The following RSBN1L variants were observed in gnomAD, a reference collection of about 807,000 sequenced individuals.
RSBN1L encodes round spermatid basic protein 1 like.
In RSBN1L, 30 loss-of-function variants were observed where a neutral mutation model predicts 67.7. That is an observed-to-expected ratio of 0.44 (90% confidence interval 0.33 to 0.60). The LOEUF (loss-of-function observed/expected upper bound fraction) is 0.60, where lower values mean the gene tolerates loss of function less well. RSBN1L is among the 20% of genes least tolerant of loss of function. The pLI, the probability that RSBN1L is intolerant of heterozygous loss-of-function variation, is 0.02. For missense variants in RSBN1L, 992 were observed against 1,031.7 expected (o/e 0.96, Z 0.53); for synonymous variants, 433 against 387.0 (o/e 1.12, Z -1.39).
intron 1 of RSBN1L, among the ~76,000 whole-genome samples, chr7:77,708,437 A>G (rs977242227): frequency 4.6e-5 from 7 of 150,718 alleles, no homozygotes; most frequent in African/African-American, 1.7e-4. Flanking sequence ...GCTGGAGTGC[A>G]GTGGCATGAT....
chr7:77,743,210 C>T (rs1791436393), intron 2 of RSBN1L, among the ~76,000 whole-genome samples: 1 of 152,104 alleles, frequency 6.6e-6, no homozygotes, highest in South Asian at 2.1e-4. Flanking sequence ...TTTGCCACCA[C>T]ACTCAGCTAA....
chr7:77,701,950 G>T (rs892955190), intron 1 of RSBN1L, among the ~76,000 whole-genome samples: 2 of 151,986 alleles, frequency 1.3e-5, no homozygotes, highest in South Asian at 2.1e-4. Context: ...ACCGTGGCTG[G>T]CCTTGACTGA....
At chr7:77,716,030 C>G (rs1000447242) in intron 1 of RSBN1L, among the ~76,000 whole-genome samples, 41 of 152,192 alleles carry the variant, frequency 2.7e-4, no homozygotes, top group Admixed American at 1.2e-3. Context: ...TGTTTTCTAC[C>G]ATTCTCTGTC....
chr7:77,765,623 A>AT lies in RSBN1L; in HGVS notation c.1478dup (p.Leu493PhefsTer12). On this transcript the variant is annotated frameshift_variant, in exon 4 of 8. Transcript: ENST00000334955. LOFTEE classifies it high-confidence loss of function. ...TCCTTGACATGTTGGAAGAGTCACCATTTTTAAAAGTAAGAGACAATCTGT... is the reference window on the plus strand; with the variant it reads ...TCCTTGACATGTTGGAAGAGTCACCATTTTTTAAAAGTAAGAGACAATCTGT... 6.3e-7 allele frequency: 1 copy of AT among 1,593,662 alleles called. No individual in the cohort carries two copies. Among genetic ancestry groups the AT allele is most frequent in the Non-Finnish European group, 8.6e-7 (1 of 1,169,354 alleles).
intron 1 of RSBN1L, among the ~76,000 whole-genome samples, chr7:77,725,066 A>G (rs1446076749): frequency 1.3e-5 from 2 of 148,524 alleles, no homozygotes; most frequent in Non-Finnish European, 3.0e-5. Flanking sequence ...CTGGTCTTGA[A>G]CTCCTGACCT....
At chr7:77,753,999 TTTTG>T (rs1478575423) in intron 3 of RSBN1L, among the ~76,000 whole-genome samples, 4 of 152,324 alleles carry the variant, frequency 2.6e-5, no homozygotes, top group Admixed American at 6.5e-5. Context: ...GATTCCATTG[TTTTG>T]TTTGTCTAAT....
chr7:77,716,748 C>T (rs1163178478), intron 1 of RSBN1L, among the ~76,000 whole-genome samples: 1 of 146,886 alleles, frequency 6.8e-6, no homozygotes, highest in Non-Finnish European at 1.5e-5. Context: ...TGTCCTGCCT[C>T]AACCTCCCGA....
rs1791987574 is a variant in RSBN1L at position 77,780,648 on chromosome 7, A to T, written c.*1480A>T. ...GGGCAATGACAATGACTCAACTGCC[A>T]TATAGAGATATAATTAACAAAATAC... is the stretch of plus-strand genomic sequence containing the variant. On this transcript the variant is annotated 3_prime_UTR_variant, in exon 8 of 8. Coordinates refer to ENST00000334955, the MANE Select transcript of RSBN1L (RefSeq NM_198467.3). The T allele has an allele frequency of 6.6e-6, 1 of 152,238 alleles. No individual in the cohort carries two copies. The highest frequency in any genetic ancestry group is 6.5e-5 in the Admixed American group (1 of 15,284). 9.4% of individuals were successfully genotyped at this position (152,238 alleles called of 1,614,324 possible).
Position 77,779,715 on chromosome 7 carries a change from GATA to G in RSBN1L, c.*550_*552del. 6.6e-6 allele frequency: 1 copy of G among 151,334 alleles called. No individual in the cohort carries two copies. Among genetic ancestry groups the G allele is most frequent in the Non-Finnish European group, 1.5e-5 (1 of 67,856 alleles). 9.4% of individuals were successfully genotyped at this position (151,334 alleles called of 1,614,324 possible). On this transcript the variant is annotated 3_prime_UTR_variant, in exon 8 of 8. Coordinates refer to ENST00000334955, the MANE Select transcript of RSBN1L (RefSeq NM_198467.3). ...AACTGACAATTCATTTAAGTCATTT[GATA>G]ATGATTCTCTGCTGGTATATCTATT...
intron 3 of RSBN1L, among the ~76,000 whole-genome samples, chr7:77,753,120 CAT>C (rs1173479049): frequency 2.6e-5 from 4 of 152,216 alleles, no homozygotes; most frequent in Non-Finnish European, 5.9e-5. Flanking sequence ...ATATTTTTCA[CAT>C]GTCTTGATGA....
chr7:77,697,344 C>G (rs1376785930), intron 1 of RSBN1L: 1 of 318,306 alleles, frequency 3.1e-6, no homozygotes, highest in African/African-American at 2.2e-5. Flanking sequence ...TGAGGACTCT[C>G]CTAGGTTTGT....
intron 1 of RSBN1L, among the ~76,000 whole-genome samples, chr7:77,736,101 T>A (rs1791333049): frequency 2.6e-5 from 4 of 152,148 alleles, no homozygotes; most frequent in Non-Finnish European, 1.5e-5. Flanking sequence ...CCATCGTAGC[T>A]TTTGCTTCAC....
intron 3 of RSBN1L, among the ~76,000 whole-genome samples, chr7:77,750,707 G>A (rs1791545508): frequency 6.6e-6 from 1 of 152,046 alleles, no homozygotes; most frequent in African/African-American, 2.4e-5. Flanking sequence ...CCTCAGATTG[G>A]GACTGTTTAG....
rs777830423 is a variant in RSBN1L, at chr7:77,772,562, C to T, written c.1626-585C>T. Among the ~76,000 whole-genome samples the T allele has an allele frequency of 2.6e-4, 39 of 152,314 alleles. 2 individuals are homozygous for T. The highest frequency in any genetic ancestry group is 2.0e-4 in the Admixed American group (3 of 15,300). On this transcript the variant is annotated intron_variant, in intron 5 of 7. Transcript: ENST00000334955. ...CTTCCAAGACAGAGCTAAGGTTTTCCTTTCTACCTCCAATAAAGCATGCAT... is the reference window on the plus strand; with the variant it reads ...CTTCCAAGACAGAGCTAAGGTTTTCTTTTCTACCTCCAATAAAGCATGCAT...
At chr7:77,703,521 A>G (rs974943780) in intron 1 of RSBN1L, among the ~76,000 whole-genome samples, 2 of 102,314 alleles carry the variant, frequency 2.0e-5, no homozygotes, top group African/African-American at 7.8e-5. Context: ...AAGGACTCTC[A>G]CTATTTCACC....
chr7:77,704,328 A>C (rs1013436993), intron 1 of RSBN1L, among the ~76,000 whole-genome samples: 2 of 152,226 alleles, frequency 1.3e-5, no homozygotes, highest in African/African-American at 4.8e-5. Flanking sequence ...GTAATGGATA[A>C]ACTACCTAAA....
chr7:77,697,050 C>G lies in RSBN1L; in HGVS notation c.581C>G (p.Pro194Arg), dbSNP rs1003323841. The change falls in exon 1 of 8, where the codon CCC becomes CGC. Residue 194 changes from proline (P) to arginine (R), a missense_variant. By Grantham distance (103) the Pro-to-Arg change is moderately radical. Around this residue, in one of 7 missense-constraint regions of RSBN1L, gnomAD observed 575 missense variants for 483.2 expected, o/e 1.19. Coordinates refer to ENST00000334955, the MANE Select transcript of RSBN1L (RefSeq NM_198467.3). ...GAGAACGGGGAGGTGAAGCCGCTGC[C>G]CCGAGGTGGGTGCCGTGCGGGGAGG... ...REENGEVKPLPRDKIKDKIKE... is the reference protein window; with the variant it reads ...REENGEVKPLRRDKIKDKIKE... 3 of 1,478,636 alleles carry G rather than the reference C, an allele frequency of 2.0e-6. No individual in the cohort carries two copies. The highest frequency in any genetic ancestry group is 2.8e-5 in the African/African-American group (2 of 70,830). The allele number at this position is 1,478,636 out of a possible 1,614,324, so 91.6% of individuals were successfully genotyped here.
chr7:77,701,147 G>A (rs1156411729), intron 1 of RSBN1L, among the ~76,000 whole-genome samples: 1 of 108,084 alleles, frequency 9.3e-6, no homozygotes, highest in Non-Finnish European at 1.8e-5. Flanking sequence ...GCAAGACTCT[G>A]GCTCAAAAAA....
chr7:77,697,857 A>G (rs1026953649), intron 1 of RSBN1L, among the ~76,000 whole-genome samples: 1 of 152,198 alleles, frequency 6.6e-6, no homozygotes, highest in Non-Finnish European at 1.5e-5. Context: ...TTTTAAATGT[A>G]GGCTAGTCGT....
Sources: allele counts gnomAD v4.1 joint callset (sites outside exome capture counted in the v4.1 genomes callset), GRCh38; gene constraint gnomAD v4.1.1; regional missense constraint gnomAD v4.1.1; transcripts MANE v1.5; gene names NCBI Gene and HGNC (gene_info 2026-07-23, HGNC 2026-07-21).